Variants in EBF3 observed in about 807,000 individuals in gnomAD.
EBF3 encodes the protein transcription factor COE3.
EBF3 carries 18 observed loss-of-function variants against 77.1 expected under a neutral mutation model. The ratio of observed to expected loss-of-function variants is 0.23; its 90% confidence interval spans 0.16 to 0.35. The LOEUF is 0.35. Among genes scored for constraint, EBF3 ranks in the 10% least tolerant of loss-of-function variants. The pLI, the probability that EBF3 is intolerant of heterozygous loss-of-function variation, is 1.00. For synonymous variants in EBF3, 350 were observed against 343.5 expected (o/e 1.02, Z -0.21); for missense variants, 558 against 860.0 (o/e 0.65, Z 4.39).
chr10:129,935,106 TCCCTAAGAA>T lies in EBF3; in HGVS notation c.554+22143_554+22151del, dbSNP rs1857268003. Among the ~76,000 whole-genome samples, 1 of 152,154 alleles carries T rather than the reference TCCCTAAGAA, an allele frequency of 6.6e-6. No individual in the cohort carries two copies. The highest frequency in any genetic ancestry group is 2.4e-5 in the African/African-American group (1 of 41,432). On this transcript the variant is annotated intron_variant, in intron 6 of 16. Transcript: ENST00000440978. This position sits in a 1 kb window ranked among gnomAD's most constrained non-coding sequence, Gnocchi z 4.2. ...CATTAGCTGTAGCTGGTGGTCCGGT[TCCCTAAGAA>T]CCGGACCCTCTAGTGGATCATGATG...
rs1162133189 is a variant in EBF3 at position 129,841,275 on chromosome 10, C to T, written c.1373-243G>A. Among the ~76,000 whole-genome samples the T allele has an allele frequency of 1.3e-5, 2 of 152,190 alleles. No individual in the cohort carries two copies. The highest frequency in any genetic ancestry group is 1.5e-5 in the Non-Finnish European group (1 of 68,040). ...AGCCAGCCGGGGCGCGCTTCGATCT[C>T]GCCGTCAGTGGCTTTCACGTTTCTC... On this transcript the variant is annotated intron_variant, in intron 13 of 16. Coordinates refer to ENST00000440978, the MANE Select transcript of EBF3 (RefSeq NM_001375380.1). This position sits in a 1 kb window ranked among gnomAD's most constrained non-coding sequence, Gnocchi z 4.6.
chr10:129,958,829 T>G (rs1859245259), intron 5 of EBF3, 105 bp downstream of exon 5: 2 of 1,399,574 alleles, frequency 1.4e-6, no homozygotes, highest in African/African-American at 1.5e-5. Context: ...ATCGATGCCC[T>G]TCCCGGAGCT....
chr10:129,840,701 T>C, intron 14 of EBF3, 143 bp downstream of exon 14: 1 of 1,256,152 alleles, frequency 8.0e-7, no homozygotes, highest in Non-Finnish European at 1.1e-6. Context: ...CAATTTACGG[T>C]CGCCATTTGG....
chr10:129,919,962 G>A (rs79357025), intron 6 of EBF3, among the ~76,000 whole-genome samples: 38 of 150,832 alleles, frequency 2.5e-4, no homozygotes, highest in African/African-American at 8.7e-4. Flanking sequence ...AGCCCACCCC[G>A]CTGTGCAGTC....
chr10:129,954,421 C>A (rs186109096), intron 6 of EBF3, among the ~76,000 whole-genome samples: 13 of 134,012 alleles, frequency 9.7e-5, no homozygotes, highest in Non-Finnish European at 1.5e-4. Context: ...TTCCCCCCCC[C>A]CTTTTTTTTT....
intron 8 of EBF3, 120 bp from the exon 9 acceptor site, chr10:129,868,032 C>A (rs1237963987): frequency 1.4e-6 from 2 of 1,415,100 alleles, no homozygotes; most frequent in Non-Finnish European, 1.9e-6. Flanking sequence ...TTCCTCCAGG[C>A]GGCACGCAAA....
At chr10:129,895,531 C>T (rs1854310231) in intron 6 of EBF3, among the ~76,000 whole-genome samples, 1 of 152,184 alleles carries the variant, frequency 6.6e-6, no homozygotes. Flanking sequence ...TTCAGACCTC[C>T]ACAGAAAAAC....
chr10:129,960,629 T>C (rs1244871968), intron 4 of EBF3, among the ~76,000 whole-genome samples: 2 of 7,492 alleles, frequency 2.7e-4, no homozygotes, highest in Non-Finnish European at 5.8e-4. Flanking sequence ...ATTTCTTTCC[T>C]TTTTTTTTTT....
At chr10:129,884,081 CT>C (rs1446700631) in intron 6 of EBF3, among the ~76,000 whole-genome samples, 1 of 152,154 alleles carries the variant, frequency 6.6e-6, no homozygotes, top group Admixed American at 6.5e-5. Flanking sequence ...CTTTAAGAGA[CT>C]TTTCCCTGAC....
At chr10:129,892,377 T>A (rs1854078603) in intron 6 of EBF3, among the ~76,000 whole-genome samples, 2 of 152,208 alleles carry the variant, frequency 1.3e-5, no homozygotes, top group Non-Finnish European at 2.9e-5. Flanking sequence ...CATATAAAAC[T>A]GTTGTCATTG....
chr10:129,875,495 C>T (rs1448076611), intron 7 of EBF3, among the ~76,000 whole-genome samples: 1 of 152,146 alleles, frequency 6.6e-6, no homozygotes, highest in Admixed American at 6.5e-5. Context: ...CGCGCCCGGC[C>T]GGCTTTTTCG....
At chr10:129,840,566 G>A (rs1241373391) in intron 14 of EBF3, 124 bp from the exon 15 acceptor site, 4 of 1,103,058 alleles carry the variant, frequency 3.6e-6, no homozygotes, top group East Asian at 2.6e-5. Flanking sequence ...CATGCGTCTG[G>A]CTCGGCCACG....
At chr10:129,913,402 G>A (rs1855657322) in intron 6 of EBF3, among the ~76,000 whole-genome samples, 1 of 152,258 alleles carries the variant, frequency 6.6e-6, no homozygotes, top group South Asian at 2.1e-4. Context: ...AGAGCTGATG[G>A]ACTGGCAGGA....
intron 6 of EBF3, among the ~76,000 whole-genome samples, chr10:129,905,942 C>T (rs546203725): frequency 4.5e-4 from 68 of 152,260 alleles, no homozygotes; most frequent in African/African-American, 1.5e-3. Flanking sequence ...ACATACTAGC[C>T]GAGTGTAAAT....
chr10:129,923,747 C>A (rs539324199), intron 6 of EBF3, among the ~76,000 whole-genome samples: 1 of 152,026 alleles, frequency 6.6e-6, no homozygotes, highest in Admixed American at 6.6e-5. Flanking sequence ...TTCTTGGCTA[C>A]GGCACCAAAG....
chr10:129,953,191 G>C lies in EBF3; in HGVS notation c.554+4067C>G, dbSNP rs374902181. On this transcript the variant is annotated intron_variant, in intron 6 of 16. Coordinates refer to ENST00000440978, the MANE Select transcript of EBF3 (RefSeq NM_001375380.1). Reference sequence around the variant, plus strand: ...AAGTATGGCTGTGCAGGGTAGGGGGGGCGCAGAGCTGAAATGGGGGTAGTC... The same window carrying C: ...AAGTATGGCTGTGCAGGGTAGGGGGCGCGCAGAGCTGAAATGGGGGTAGTC... Among the ~76,000 whole-genome samples the C allele has an allele frequency of 2.1e-3, 312 of 151,118 alleles. 2 individuals are homozygous for C. Among genetic ancestry groups the C allele is most frequent in the Non-Finnish European group, 4.0e-3 (268 of 67,806 alleles).
chr10:129,861,590 G>A lies in EBF3; in HGVS notation c.1039+5551C>T, dbSNP rs1237672183. On this transcript the variant is annotated intron_variant, in intron 10 of 16. Transcript: ENST00000440978. The surrounding 1 kb of genome is among the most constrained non-coding windows in gnomAD (Gnocchi z 4.3). Reference sequence around the variant, plus strand: ...CATGGGGGGGACACAGACATCCTTGGACACCATTGACTGGTAGGTTTGAAG... The same window carrying A: ...CATGGGGGGGACACAGACATCCTTGAACACCATTGACTGGTAGGTTTGAAG... 6.6e-6 allele frequency among the ~76,000 whole-genome samples: 1 copy of A among 152,058 alleles called. No homozygotes were observed. The highest frequency in any genetic ancestry group is 1.9e-4 in the East Asian group (1 of 5,162).
At position 129,844,598 on chromosome 10, in the gene EBF3, T is replaced by C. The variant is rs59194853; in HGVS notation, c.1129-1396A>G. ...CCCCCAACATGCCGACTCTGGACCC[T>C]TTATTTATCAAGATTAATCACTACG... On this transcript the variant is annotated intron_variant, in intron 11 of 16. Coordinates refer to ENST00000440978, the MANE Select transcript of EBF3 (RefSeq NM_001375380.1). Among the ~76,000 whole-genome samples, 852 of 152,284 alleles carry C rather than the reference T, an allele frequency of 5.6e-3. 12 individuals carry two copies. Among genetic ancestry groups the C allele is most frequent in the African/African-American group, 0.019 (806 of 41,544 alleles).
chr10:129,941,388 C>T (rs147442967), intron 6 of EBF3, among the ~76,000 whole-genome samples: 1 of 152,344 alleles, frequency 6.6e-6, no homozygotes, highest in Non-Finnish European at 1.5e-5. Flanking sequence ...CCGGTCATCA[C>T]AAAAGGTGTG....
Sources: allele counts gnomAD v4.1 joint callset (sites outside exome capture counted in the v4.1 genomes callset), GRCh38; gene constraint gnomAD v4.1.1; non-coding constraint Gnocchi (gnomAD v3.1); transcripts MANE v1.5; gene names NCBI Gene and HGNC (gene_info 2026-07-23, HGNC 2026-07-21).